The following LRRC9 variants were observed in gnomAD, a reference collection of about 807,000 sequenced individuals.
The protein encoded by LRRC9 is leucine-rich repeat-containing protein 9.
Under a neutral mutation model 63.2 loss-of-function variants are expected in LRRC9, and 122 were observed. That is an observed-to-expected ratio of 1.93 (90% CI 1.67 to 2.24). LRRC9 has a LOEUF of 2.24. Ranked by LOEUF, LRRC9 falls within the 30% of genes most tolerant of loss-of-function variation. LRRC9 has a pLI of 0.00. For synonymous variants in LRRC9, 366 were observed against 213.1 expected, an observed-to-expected ratio of 1.72 and a Z score of -6.25; for missense variants, 1,071 against 627.7, an observed-to-expected ratio of 1.71 and a Z score of -7.55.
At chr14:60,021,660 A>T (rs1236339166) in intron 26 of LRRC9, among the ~76,000 whole-genome samples, 1 of 151,850 alleles carries the variant, frequency 6.6e-6, no homozygotes, top group Non-Finnish European at 1.5e-5. Flanking sequence ...ATGTTTGTGT[A>T]TGTTGTGAGG....
chr14:60,042,640 C>G lies in LRRC9; in HGVS notation c.3991-10425C>G, dbSNP rs1668587352. Among the ~76,000 whole-genome samples, 1 of 152,202 alleles carries G rather than the reference C, an allele frequency of 6.6e-6. No individual in the cohort carries two copies. Among genetic ancestry groups the G allele is most frequent in the Admixed American group, 6.5e-5 (1 of 15,282 alleles). On this transcript the variant is annotated intron_variant, in intron 29 of 31. Coordinates refer to ENST00000445360, the Ensembl canonical transcript of LRRC9. The surrounding 1 kb of genome is among the most constrained non-coding windows in gnomAD (Gnocchi z 4.2). ...TGAGAGTGTCCCGATTTTCCAGGTA[C>G]TGCCTGTCATGGCTTCCCTTGGCTA...
At chr14:59,957,114 T>C (rs1883844021) in intron 8 of LRRC9, among the ~76,000 whole-genome samples, 1 of 152,186 alleles carries the variant, frequency 6.6e-6, no homozygotes, top group Non-Finnish European at 1.5e-5. Context: ...TTGGGGCTGC[T>C]CTTCTCGAGG....
At chr14:60,065,124 G>T (rs1294674929), downstream of LRRC9, among the ~76,000 whole-genome samples, 2 of 152,110 alleles carry the variant, frequency 1.3e-5, no homozygotes, top group Admixed American at 1.3e-4. Context: ...GCTCACATCT[G>T]TAATCCCAGC....
intron 27 of LRRC9, among the ~76,000 whole-genome samples, chr14:60,025,436 A>G (rs564719280): frequency 6.6e-6 from 1 of 152,142 alleles, no homozygotes; most frequent in Non-Finnish European, 1.5e-5. Context: ...CATACAAAAA[A>G]GCAGACCACC....
intron 8 of LRRC9, among the ~76,000 whole-genome samples, chr14:59,947,333 C>T (rs1424813007): frequency 1.4e-3 from 157 of 108,452 alleles, no homozygotes; most frequent in Middle Eastern, 4.3e-3. Context: ...TCATGTCCTT[C>T]GCCCACTTTT....
At chr14:60,008,436 T>C (rs1219208444) in intron 23 of LRRC9, among the ~76,000 whole-genome samples, 2 of 152,180 alleles carry the variant, frequency 1.3e-5, no homozygotes, top group East Asian at 3.8e-4. Context: ...AGGGCTGTGC[T>C]GCTTACAATA....
At position 59,962,711 on chromosome 14, in the gene LRRC9, G is replaced by A. The variant is rs1884470719; in HGVS notation, c.1211+1666G>A. Among the ~76,000 whole-genome samples the A allele has an allele frequency of 6.6e-6, 1 of 151,384 alleles. No homozygotes were observed. Among genetic ancestry groups the A allele is most frequent in the Non-Finnish European group, 1.5e-5 (1 of 67,912 alleles). ...AGCCACTGTGCCCAGCTCCAAACAG[G>A]ATTTTTAAAAATTATTTGTTTCTTT... On this transcript the variant is annotated intron_variant, in intron 10 of 31. Transcript: ENST00000445360. This position sits in a 1 kb window ranked among gnomAD's most constrained non-coding sequence, Gnocchi z 5.1.
chr14:60,046,758 TC>T (rs1282348801), intron 29 of LRRC9, among the ~76,000 whole-genome samples: 4 of 152,200 alleles, frequency 2.6e-5, no homozygotes, highest in Non-Finnish European at 5.9e-5. Flanking sequence ...CTGTTTGGGC[TC>T]TTTTTAAAAA....
At chr14:59,937,989 A>AG (rs1333143518) in intron 6 of LRRC9, among the ~76,000 whole-genome samples, 1 of 152,122 alleles carries the variant, frequency 6.6e-6, no homozygotes, top group African/African-American at 2.4e-5. Context: ...GCGAGGATGA[A>AG]GAGGAGTGTT....
intron 8 of LRRC9, among the ~76,000 whole-genome samples, chr14:59,946,753 G>A (rs1472039747): frequency 1.7e-4 from 25 of 147,200 alleles, no homozygotes; most frequent in South Asian, 4.5e-4. Context: ...GAGAATATGC[G>A]GTGTTTGGTT....
At chr14:60,037,922 T>C (rs1595082182) in intron 29 of LRRC9, among the ~76,000 whole-genome samples, 1 of 152,136 alleles carries the variant, frequency 6.6e-6, no homozygotes, top group African/African-American at 2.4e-5. Context: ...GTCTTTAATC[T>C]ATCTTGAATT....
rs1894409042 is a variant in LRRC9 at position 60,058,028 on chromosome 14, T to C, written c.4276+6T>C. 1.6e-6 allele frequency: 1 copy of C among 606,404 alleles called. No individual in the cohort carries two copies. The highest frequency in any genetic ancestry group is 3.1e-6 in the Non-Finnish European group (1 of 321,968). 37.6% of individuals were successfully genotyped at this position (606,404 alleles called of 1,614,324 possible). On this transcript the variant is annotated splice_donor_region_variant and intron_variant, in intron 31 of 31. Transcript: ENST00000445360. The surrounding 1 kb of genome is among the most constrained non-coding windows in gnomAD (Gnocchi z 4.4). ...TTTAACTCCTGAAGTTGAAGGTATT[T>C]TGACAATTTCAGATAGAATGTAAAA...
chr14:59,963,898 A>G (rs1366647130), intron 10 of LRRC9, among the ~76,000 whole-genome samples: 1 of 152,226 alleles, frequency 6.6e-6, no homozygotes, highest in Non-Finnish European at 1.5e-5. Flanking sequence ...AGATTACATT[A>G]AGCTTCAAAC....
chr14:59,960,250 C>CA (rs776549614), intron 9 of LRRC9, among the ~76,000 whole-genome samples: 5 of 152,176 alleles, frequency 3.3e-5, no homozygotes, highest in Non-Finnish European at 7.4e-5. Flanking sequence ...AGCTTCCCCC[C>CA]AGTGGATTCC....
intron 23 of LRRC9, among the ~76,000 whole-genome samples, chr14:60,014,383 C>T (rs939138825): frequency 1.2e-4 from 18 of 151,774 alleles, no homozygotes; most frequent in African/African-American, 4.1e-4. Context: ...TTCCAAGATT[C>T]CTTTTTTTTT....
At chr14:59,974,482 C>T in intron 12 of LRRC9, 94 bp from the exon 13 acceptor site, 1 of 447,610 alleles carries the variant, frequency 2.2e-6, no homozygotes. Context: ...TTTCTTTGCC[C>T]AGACACATAA....
At chr14:59,994,519 C>T (rs1369948394) in intron 17 of LRRC9, among the ~76,000 whole-genome samples, 4 of 152,082 alleles carry the variant, frequency 2.6e-5, no homozygotes, top group Admixed American at 1.3e-4. Flanking sequence ...GGGTATATAC[C>T]CAAAGGATTA....
rs186039022 is a variant in LRRC9, at chr14:59,956,268, T to C, written c.883-3550T>C. Among the ~76,000 whole-genome samples the C allele has an allele frequency of 3.9e-4, 60 of 152,286 alleles. 1 individual carries two copies. Among genetic ancestry groups the C allele is most frequent in the African/African-American group, 1.3e-3 (54 of 41,548 alleles). ...GTCTCCCACTATTATTGTGTGAGTG[T>C]CTAAGTCTCTTTGTAGATCTCTAAG... On this transcript the variant is annotated intron_variant, in intron 8 of 31. Transcript: ENST00000445360.
At chr14:59,980,687 C>T (rs934490050) in intron 15 of LRRC9, among the ~76,000 whole-genome samples, 24 of 152,142 alleles carry the variant, frequency 1.6e-4, no homozygotes, top group Admixed American at 1.6e-3. Flanking sequence ...ATATAGGTCT[C>T]CAACATTTCT....
Sources: gnomAD v4.1 joint callset for allele counts (sites outside exome capture counted in the v4.1 genomes callset) on GRCh38, gnomAD v4.1.1 for gene constraint, Gnocchi (gnomAD v3.1) non-coding constraint, MANE v1.5 for transcripts, NCBI Gene and HGNC (gene_info 2026-07-23, HGNC 2026-07-21) for gene names.